RAPGEF2: variants seen among roughly 807,000 people sequenced by gnomAD.
RAPGEF2 encodes the protein Rap guanine nucleotide exchange factor 2.
Under a neutral mutation model 186.7 loss-of-function variants are expected in RAPGEF2, and 54 were observed. The ratio of observed to expected loss-of-function variants is 0.29; its 90% CI spans 0.23 to 0.36. The LOEUF is 0.36. Among genes scored for constraint, RAPGEF2 ranks in the 10% least tolerant of loss-of-function variants. The pLI is 1.00. For missense variants in RAPGEF2, 1,532 were observed against 2,045.0 expected (o/e 0.75, Z 4.84); for synonymous variants, 712 against 705.9 (o/e 1.01, Z -0.14).
In RAPGEF2 at chr4:159,263,671, C is replaced by G. The variant is rs772775927; in HGVS notation, c.543+19880C>G. The stretch of plus-strand genomic sequence containing the variant: ...ATAAGTACATTATTCTCTTGATTCC[C>G]TTGCGTTTTGATGAAGTTTAATTAA... On this transcript the variant is annotated intron_variant, in intron 7 of 29. Coordinates refer to ENST00000691494, the MANE Select transcript of RAPGEF2 (RefSeq NM_001394067.2). Among the ~76,000 whole-genome samples the G allele has an allele frequency of 2.8e-4, 42 of 152,098 alleles. 1 individual carries two copies. Among genetic ancestry groups the G allele is most frequent in the Middle Eastern group, 3.4e-3 (1 of 294 alleles).
chr4:159,162,906 AC>A (rs1227168447), intron 1 of RAPGEF2, among the ~76,000 whole-genome samples: 1 of 152,090 alleles, frequency 6.6e-6, no homozygotes, highest in Non-Finnish European at 1.5e-5. Context: ...CCGTAAGATT[AC>A]CCAGGGAGGA....
chr4:159,220,863 T>C (rs1288798201), intron 4 of RAPGEF2, among the ~76,000 whole-genome samples: 2 of 152,206 alleles, frequency 1.3e-5, no homozygotes, highest in African/African-American at 4.8e-5. Context: ...AACTTGACCT[T>C]TAAAAAAATC....
At chr4:159,284,079 C>T (rs1203567527) in intron 7 of RAPGEF2, among the ~76,000 whole-genome samples, 1 of 152,108 alleles carries the variant, frequency 6.6e-6, no homozygotes, top group Non-Finnish European at 1.5e-5. Flanking sequence ...GAAAAATGAC[C>T]AATGTCAGGC....
At chr4:159,297,555 G>C (rs1762168679) in intron 7 of RAPGEF2, among the ~76,000 whole-genome samples, 1 of 152,174 alleles carries the variant, frequency 6.6e-6, no homozygotes, top group Non-Finnish European at 1.5e-5. Flanking sequence ...TATTTAGTTT[G>C]CAAAATGTAT....
At chr4:159,354,301 A>G (rs1295599751) in intron 28 of RAPGEF2, among the ~76,000 whole-genome samples, 1 of 152,174 alleles carries the variant, frequency 6.6e-6, no homozygotes, top group Non-Finnish European at 1.5e-5. Context: ...GGATGAGTAG[A>G]TTGTCATTGT....
At chr4:159,288,174 C>T (rs1760748805) in intron 7 of RAPGEF2, among the ~76,000 whole-genome samples, 1 of 152,116 alleles carries the variant, frequency 6.6e-6, no homozygotes, top group Non-Finnish European at 1.5e-5. Context: ...ATGCTAATTC[C>T]TGGTGATGTT....
intron 7 of RAPGEF2, among the ~76,000 whole-genome samples, chr4:159,285,949 C>G (rs1760402770): frequency 6.6e-6 from 1 of 151,886 alleles, no homozygotes; most frequent in African/African-American, 2.4e-5. Flanking sequence ...TATTTAATTG[C>G]CCACTGGATA....
At chr4:159,200,832 G>A (rs1255055855) in intron 3 of RAPGEF2, among the ~76,000 whole-genome samples, 3 of 151,988 alleles carry the variant, frequency 2.0e-5, no homozygotes, top group Non-Finnish European at 4.4e-5. Context: ...TTAAGAAATA[G>A]AATAAAAATT....
At chr4:159,134,924 C>T (rs888487094) in intron 1 of RAPGEF2, among the ~76,000 whole-genome samples, 6 of 152,206 alleles carry the variant, frequency 3.9e-5, no homozygotes, top group African/African-American at 1.4e-4. Context: ...TTTTCCTATT[C>T]TGGACATTTC....
intron 4 of RAPGEF2, among the ~76,000 whole-genome samples, chr4:159,217,405 T>A (rs1244963245): frequency 6.6e-6 from 1 of 152,214 alleles, no homozygotes; most frequent in Non-Finnish European, 1.5e-5. Flanking sequence ...CTCCCACTTA[T>A]AAGTGAGAAC....
chr4:159,275,216 T>TA (rs1374361885), intron 7 of RAPGEF2, among the ~76,000 whole-genome samples: 1 of 152,142 alleles, frequency 6.6e-6, no homozygotes, highest in Non-Finnish European at 1.5e-5. Flanking sequence ...ATATGCCCCA[T>TA]ATGCTTCAGA....
intron 5 of RAPGEF2, chr4:159,240,990 A>C: frequency 2.2e-6 from 1 of 459,124 alleles, no homozygotes. Context: ...TCCTAAGTGG[A>C]ACTGAAAATG....
rs575743979 is a variant in RAPGEF2, at chr4:159,182,386, C to CTTTTTTTTT, written c.70-4237_70-4229dup. 1.3e-3 allele frequency among the ~76,000 whole-genome samples: 108 copies of CTTTTTTTTT among 85,674 alleles called. 4 individuals carry two copies. Among genetic ancestry groups the CTTTTTTTTT allele is most frequent in the East Asian group, 2.9e-3 (7 of 2,448 alleles). The allele number at this position is 85,674 out of a possible 152,430, so 56.2% of individuals were successfully genotyped here. The stretch of plus-strand genomic sequence containing the variant: ...AAGCTTCCTAGTATTTTCTTTTCTT[C>CTTTTTTTTT]TTTTTTTTTTTTTTTTTTTTTTTTT... On this transcript the variant is annotated intron_variant, in intron 1 of 29. Transcript: ENST00000691494.
chr4:159,203,790 G>A (rs1234002611), intron 3 of RAPGEF2, among the ~76,000 whole-genome samples: 1 of 152,168 alleles, frequency 6.6e-6, no homozygotes, highest in African/African-American at 2.4e-5. Context: ...AAGAGAACTA[G>A]TATTTTTTGT....
At chr4:159,279,074 G>GA (rs1233597416) in intron 7 of RAPGEF2, among the ~76,000 whole-genome samples, 2 of 152,102 alleles carry the variant, frequency 1.3e-5, no homozygotes, top group Non-Finnish European at 2.9e-5. Context: ...TTATTAGAGT[G>GA]AAAAAACAAC....
rs56053207 is a variant in RAPGEF2 at position 159,247,755 on chromosome 4, C to CTTT, written c.543+3987_543+3989dup. 9.0e-3 allele frequency among the ~76,000 whole-genome samples: 748 copies of CTTT among 83,418 alleles called. 23 individuals are homozygous for CTTT. The highest frequency in any genetic ancestry group is 0.026 in the African/African-American group (549 of 21,140). The allele number at this position is 83,418 out of a possible 152,430, so 54.7% of individuals were successfully genotyped here. ...AGAAGAAAGTAGAAATAATTTGTTT[C>CTTT]TTTTTTTTTTTTTTTTTTTTTTTTT... On this transcript the variant is annotated intron_variant, in intron 7 of 29. Transcript: ENST00000691494.
Position 159,358,323 on chromosome 4 carries a change from T to C in RAPGEF2, c.*184T>C, listed in dbSNP as rs994203198. 8.6e-6 allele frequency: 5 copies of C among 583,676 alleles called. No individual in the cohort carries two copies. The highest frequency in any genetic ancestry group is 1.5e-5 in the Non-Finnish European group (5 of 333,510). 36.2% of individuals were successfully genotyped at this position (583,676 alleles called of 1,614,324 possible). On this transcript the variant is annotated 3_prime_UTR_variant, in exon 30 of 30. Coordinates refer to ENST00000691494, the MANE Select transcript of RAPGEF2 (RefSeq NM_001394067.2). ...CCTTTCCCCTTTGCATGTGAAATAC[T>C]GTGAAGAAATTGCCCTGGCACTTTT...
At position 159,241,338 on chromosome 4, in the gene RAPGEF2, C is replaced by CA. The variant is rs1753960366; in HGVS notation, c.498dup (p.Pro167ThrfsTer5). On this transcript the variant is annotated frameshift_variant, in exon 6 of 30. Transcript: ENST00000691494. LOFTEE classifies it high-confidence loss of function. ...ACACTGTGGATCCTTATCCCATGGG[C>CA]AAACCTCCTTTGCCTAGAGGCTATC... 1 of 1,520,452 alleles carries CA rather than the reference C, an allele frequency of 6.6e-7. No individual in the cohort carries two copies. 94.2% of individuals were successfully genotyped at this position (1,520,452 alleles called of 1,614,324 possible).
chr4:159,193,519 T>C (rs189861760), intron 3 of RAPGEF2, among the ~76,000 whole-genome samples: 5 of 152,342 alleles, frequency 3.3e-5, no homozygotes, highest in Non-Finnish European at 5.9e-5. Context: ...ATTTTGACAT[T>C]TTTATTATGA....
Sources: allele counts gnomAD v4.1 joint callset (sites outside exome capture counted in the v4.1 genomes callset), GRCh38; gene constraint gnomAD v4.1.1; transcripts MANE v1.5; gene names NCBI Gene and HGNC (gene_info 2026-07-23, HGNC 2026-07-21).